Variants in C5orf63 observed in about 807,000 individuals in gnomAD.
C5orf63 encodes chromosome 5 open reading frame 63, also known as glutaredoxin-like protein C5orf63.
Under a neutral mutation model 13.3 loss-of-function variants are expected in C5orf63, and 18 were observed. The observed-to-expected ratio is 1.36, with a 90% confidence interval of 0.94 to 2.01. C5orf63 has a LOEUF of 2.01. Among genes scored for constraint, C5orf63 ranks in the 30% most tolerant of loss-of-function variants. The probability of loss-of-function intolerance (pLI) is 0.00; values close to 1 mark genes in which losing one functional copy is unlikely to be tolerated. For synonymous variants in C5orf63, 38 were observed against 44.7 expected, an observed-to-expected ratio of 0.85 and a Z score of 0.60; for missense variants, 118 against 127.7, an observed-to-expected ratio of 0.92 and a Z score of 0.36.
chr5:127,057,730 T>C (rs1753944202), intron 3 of C5orf63, among the ~76,000 whole-genome samples: 1 of 152,240 alleles, frequency 6.6e-6, no homozygotes, highest in Non-Finnish European at 1.5e-5. Context: ...AACAAGGTGA[T>C]GCTCTGCCTT....
In C5orf63 at chr5:127,051,745, A is replaced by G; in HGVS notation, c.*26T>C. On this transcript the variant is annotated 3_prime_UTR_variant, in exon 5 of 5. Coordinates refer to ENST00000296662, the MANE Select transcript of C5orf63 (RefSeq NM_001164478.2). ...TTAGGAAGATGCTTTATGGGAAGAG[A>G]GGGTGGAAAATCATGAGGGCATCAG... is the stretch of plus-strand genomic sequence containing the variant. 6.8e-7 allele frequency: 1 copy of G among 1,466,032 alleles called. No individual in the cohort carries two copies. Among genetic ancestry groups the G allele is most frequent in the East Asian group, 2.5e-5 (1 of 39,900 alleles). The allele number at this position is 1,466,032 out of a possible 1,614,324, so 90.8% of individuals were successfully genotyped here. A position where few individuals can be genotyped will look rare whatever the true frequency, so the allele number is the denominator to read the frequency against.
At chr5:127,055,243 T>C (rs1040544210) in intron 3 of C5orf63, among the ~76,000 whole-genome samples, 3 of 152,112 alleles carry the variant, frequency 2.0e-5, no homozygotes, top group South Asian at 2.1e-4. Context: ...CTTCACAGAA[T>C]TGGAAAAAAC....
intron 2 of C5orf63, among the ~76,000 whole-genome samples, chr5:127,071,086 T>C (rs1232664743): frequency 6.6e-6 from 1 of 152,240 alleles, no homozygotes; most frequent in Non-Finnish European, 1.5e-5. Context: ...TAGCTTGTAC[T>C]GAGCATTTGC....
At chr5:127,059,506 T>A (rs1172507606) in intron 2 of C5orf63, among the ~76,000 whole-genome samples, 1 of 151,386 alleles carries the variant, frequency 6.6e-6, no homozygotes, top group Non-Finnish European at 1.5e-5. Context: ...AATGGGCAGA[T>A]GACTTGAGCC....
At position 127,058,979 on chromosome 5, in the gene C5orf63, C is replaced by T. The variant is rs928909666; in HGVS notation, c.17G>A (p.Gly6Glu). 4 of 1,536,236 alleles carry T rather than the reference C, an allele frequency of 2.6e-6. No individual in the cohort carries two copies. The highest frequency in any genetic ancestry group is 3.5e-6 in the Non-Finnish European group (4 of 1,145,976). The change falls in exon 3 of 5, where the codon GGA becomes GAA. Residue 6 changes from glycine (G) to glutamate (E), a missense_variant. Transcript: ENST00000296662. ...GGATCTGGCAAGTTGCATGCTATTT[C>T]CTTGAAACCAGAGCATCTTAATTCT... The part of the protein sequence containing the change: MLWFQ[G>E]NSMQLARSSF...
chr5:127,057,420 A>G (rs1329538744), intron 3 of C5orf63, among the ~76,000 whole-genome samples: 3 of 152,198 alleles, frequency 2.0e-5, no homozygotes, highest in Non-Finnish European at 4.4e-5. Flanking sequence ...ACACAAAGTG[A>G]TGTTAATTAG....
chr5:127,066,192 C>T (rs1469874993), intron 2 of C5orf63, among the ~76,000 whole-genome samples: 6 of 151,786 alleles, frequency 4.0e-5, no homozygotes, highest in Non-Finnish European at 8.8e-5. Context: ...AATCAGGAGA[C>T]GAGATTAACC....
chr5:127,048,970 G>C (rs1006385146), downstream of C5orf63, among the ~76,000 whole-genome samples: 2 of 152,188 alleles, frequency 1.3e-5, no homozygotes, highest in African/African-American at 4.8e-5. Flanking sequence ...ACCCTGCCTG[G>C]AGAAGGCAGG....
At chr5:127,065,974 G>A (rs1279121082) in intron 2 of C5orf63, among the ~76,000 whole-genome samples, 1 of 152,190 alleles carries the variant, frequency 6.6e-6, no homozygotes, top group East Asian at 1.9e-4. Flanking sequence ...ACTTGAGATG[G>A]TGATACATAC....
At chr5:127,057,255 A>G (rs754937311) in intron 3 of C5orf63, among the ~76,000 whole-genome samples, 5 of 152,172 alleles carry the variant, frequency 3.3e-5, no homozygotes, top group Non-Finnish European at 7.3e-5. Context: ...AACTCATTAA[A>G]CTTTGTTATT....
chr5:127,044,995 C>A (rs1753490693), downstream of C5orf63: 1 of 152,106 alleles, frequency 6.6e-6, no homozygotes, highest in African/African-American at 2.4e-5. Flanking sequence ...TGGTCTTTAG[C>A]TCCTTTCTGG....
intron 2 of C5orf63, among the ~76,000 whole-genome samples, chr5:127,067,471 C>A (rs1754373208): frequency 6.6e-6 from 1 of 152,120 alleles, no homozygotes; most frequent in African/African-American, 2.4e-5. Context: ...ACAGGAATTT[C>A]TAAGATATGA....
chr5:127,057,255 A>T (rs754937311), intron 3 of C5orf63, among the ~76,000 whole-genome samples: 3 of 152,172 alleles, frequency 2.0e-5, no homozygotes, highest in African/African-American at 7.2e-5. Context: ...AACTCATTAA[A>T]CTTTGTTATT....
At chr5:127,044,489 A>C (rs1020890747), downstream of C5orf63, 1 of 152,186 alleles carries the variant, frequency 6.6e-6, no homozygotes, top group Non-Finnish European at 1.5e-5. Context: ...CGATCGAATG[A>C]GGCCATTCTC....
intron 3 of C5orf63, among the ~76,000 whole-genome samples, chr5:127,053,592 C>T (rs1021200303): frequency 6.6e-6 from 1 of 152,150 alleles, no homozygotes; most frequent in East Asian, 1.9e-4. Flanking sequence ...GCTCCCCGCA[C>T]CCCACGACAG....
At chr5:127,046,325 C>T (rs1255143989), downstream of C5orf63, 1 of 152,248 alleles carries the variant, frequency 6.6e-6, no homozygotes, top group Non-Finnish European at 1.5e-5. Context: ...CATGCTTTCT[C>T]TCTACTCCCC....
At chr5:127,070,198 T>C (rs1754484348) in intron 2 of C5orf63, among the ~76,000 whole-genome samples, 1 of 152,176 alleles carries the variant, frequency 6.6e-6, no homozygotes, top group Admixed American at 6.5e-5. Context: ...ATCCATTTCA[T>C]TTTTGAACCT....
chr5:127,066,866 A>G (rs1754352085), intron 2 of C5orf63, among the ~76,000 whole-genome samples: 1 of 152,134 alleles, frequency 6.6e-6, no homozygotes. Flanking sequence ...GGCAGACAGA[A>G]CAGCTGGTGA....
intron 1 of C5orf63, chr5:127,073,196 T>TAAAAAA (rs113791040): frequency 7.2e-6 from 1 of 138,782 alleles, no homozygotes. Flanking sequence ...TGCTTTCTCT[T>TAAAAAA]AAAAAAAAAA....
Sources: allele counts gnomAD v4.1 joint callset (sites outside exome capture counted in the v4.1 genomes callset), GRCh38; gene constraint gnomAD v4.1.1; transcripts MANE v1.5; gene names NCBI Gene and HGNC (gene_info 2026-07-23, HGNC 2026-07-21).